The following UQCC1 variants were observed in gnomAD, a reference collection of about 807,000 sequenced individuals.
UQCC1 encodes the protein bFGF-repressed Zic-binding protein.
UQCC1 carries 38 observed loss-of-function variants against 48.0 expected under a neutral mutation model. The ratio of observed to expected loss-of-function variants is 0.79; its 90% CI spans 0.61 to 1.04. The LOEUF (loss-of-function observed/expected upper bound fraction) is 1.04. Among genes scored for constraint, UQCC1 ranks in the 50% least tolerant of loss-of-function variants. The pLI is 0.00. For missense variants in UQCC1, 368 were observed against 381.8 expected (o/e 0.96, Z 0.30); for synonymous variants, 111 against 129.2 (o/e 0.86, Z 0.95).
intron 2 of UQCC1, among the ~76,000 whole-genome samples, chr20:35,392,466 C>T (rs536383812): frequency 6.6e-5 from 10 of 152,216 alleles, no homozygotes; most frequent in Admixed American, 5.9e-4. Context: ...GCTCAAGAAA[C>T]GTTTACTGAC....
At chr20:35,407,243 C>G (rs897053348) in intron 1 of UQCC1, among the ~76,000 whole-genome samples, 1 of 152,074 alleles carries the variant, frequency 6.6e-6, no homozygotes, top group Non-Finnish European at 1.5e-5. Context: ...GCCTGGCCAA[C>G]ATGGGAAAAC....
At chr20:35,377,222 A>G (rs1324727563) in intron 4 of UQCC1, among the ~76,000 whole-genome samples, 1 of 152,216 alleles carries the variant, frequency 6.6e-6, no homozygotes. Flanking sequence ...AGGATAGTAT[A>G]TCATAATCAA....
At chr20:35,310,644 C>CAA (rs1199768843) in intron 8 of UQCC1, among the ~76,000 whole-genome samples, 12,920 of 44,082 alleles carry the variant, frequency 0.29, 1,948 homozygotes, top group Non-Finnish European at 0.31. Flanking sequence ...GACTCTGTCT[C>CAA]AAAAAAAAAA....
chr20:35,361,056 G>A (rs1324832361), intron 6 of UQCC1, among the ~76,000 whole-genome samples: 2 of 152,076 alleles, frequency 1.3e-5, no homozygotes, highest in African/African-American at 2.4e-5. Context: ...GACTAGATCT[G>A]TAGTTTTTAA....
At chr20:35,324,331 TTC>T (rs1405690193) in intron 7 of UQCC1, among the ~76,000 whole-genome samples, 1 of 152,094 alleles carries the variant, frequency 6.6e-6, no homozygotes, top group Non-Finnish European at 1.5e-5. Flanking sequence ...TAATTTTTTT[TTC>T]TTTTTCTTTT....
Position 35,366,550 on chromosome 20 carries a change from C to A in UQCC1, c.464+7G>T. ...ATTTGGTGACTTCATTTAAATTGCT[C>A]ACTTACCAGACGTGGAGTAGGGTTA... On this transcript the variant is annotated splice_region_variant and intron_variant, in intron 6 of 9. Coordinates refer to ENST00000374385, the MANE Select transcript of UQCC1 (RefSeq NM_018244.5). 1 of 1,613,412 alleles carries A rather than the reference C, an allele frequency of 6.2e-7. No homozygotes were observed. The highest frequency in any genetic ancestry group is 1.1e-5 in the South Asian group (1 of 91,006).
At chr20:35,399,547 G>A (rs1170004259) in intron 1 of UQCC1, among the ~76,000 whole-genome samples, 2 of 152,028 alleles carry the variant, frequency 1.3e-5, no homozygotes, top group African/African-American at 4.8e-5. Flanking sequence ...CAAACTATAA[G>A]CTCAATTGCT....
chr20:35,349,347 G>GT (rs541523929), intron 6 of UQCC1, among the ~76,000 whole-genome samples: 52 of 152,292 alleles, frequency 3.4e-4, no homozygotes, highest in Admixed American at 2.7e-3. Flanking sequence ...GAGTCTAAAA[G>GT]AACAACTGTA....
intron 5 of UQCC1, among the ~76,000 whole-genome samples, chr20:35,371,364 G>T (rs1404339350): frequency 6.7e-5 from 10 of 148,324 alleles, no homozygotes; most frequent in African/African-American, 2.5e-4. Context: ...TTGAGATGGA[G>T]TCTTGCTCTG....
At chr20:35,330,874 G>A (rs2061249010) in intron 7 of UQCC1, among the ~76,000 whole-genome samples, 1 of 151,390 alleles carries the variant, frequency 6.6e-6, no homozygotes, top group Non-Finnish European at 1.5e-5. Context: ...GTTAATTGTG[G>A]AACTAAGTCT....
chr20:35,372,804 G>C (rs1001220879), intron 5 of UQCC1, among the ~76,000 whole-genome samples: 3 of 152,196 alleles, frequency 2.0e-5, no homozygotes, highest in African/African-American at 7.2e-5. Context: ...GGGAGGTGGA[G>C]GTAGCAGTGA....
At chr20:35,386,712 T>C (rs2061948319) in intron 2 of UQCC1, among the ~76,000 whole-genome samples, 1 of 152,168 alleles carries the variant, frequency 6.6e-6, no homozygotes, top group South Asian at 2.1e-4. Flanking sequence ...TCCTTCTTTT[T>C]CCTCACAGCT....
chr20:35,391,791 C>G (rs919872401), intron 2 of UQCC1, among the ~76,000 whole-genome samples: 2 of 151,982 alleles, frequency 1.3e-5, no homozygotes, highest in Non-Finnish European at 2.9e-5. Context: ...ATGTTAATTT[C>G]CTGGTTTCAG....
intron 5 of UQCC1, 89 bp downstream of exon 5, chr20:35,374,095 G>T (rs767269781): frequency 3.8e-4 from 373 of 977,722 alleles, no homozygotes; most frequent in Non-Finnish European, 5.1e-4. Context: ...TTTCACTAGG[G>T]ACTAAAAAAA....
chr20:35,349,535 A>G (rs1315634997), intron 6 of UQCC1, among the ~76,000 whole-genome samples: 1 of 152,244 alleles, frequency 6.6e-6, no homozygotes. Flanking sequence ...GACTTTTGTT[A>G]TACTCAACAC....
intron 5 of UQCC1, among the ~76,000 whole-genome samples, chr20:35,372,003 G>C (rs569101325): frequency 6.6e-6 from 1 of 151,606 alleles, no homozygotes; most frequent in African/African-American, 2.4e-5. Flanking sequence ...GACAGAGCAA[G>C]ATCATCTCTT....
intron 8 of UQCC1, among the ~76,000 whole-genome samples, chr20:35,311,441 T>C (rs527426224): frequency 3.6e-4 from 55 of 152,362 alleles, no homozygotes; most frequent in African/African-American, 1.2e-3. Context: ...TAGTCACATA[T>C]AGTAACTGAG....
chr20:35,369,493 T>C (rs1452121382), intron 5 of UQCC1, among the ~76,000 whole-genome samples: 1 of 152,224 alleles, frequency 6.6e-6, no homozygotes, highest in African/African-American at 2.4e-5. Flanking sequence ...TGACATCAAG[T>C]TGGATACAAT....
intron 1 of UQCC1, among the ~76,000 whole-genome samples, chr20:35,399,892 G>A (rs1449966806): frequency 6.9e-6 from 1 of 144,592 alleles, no homozygotes; most frequent in Admixed American, 6.9e-5. Context: ...CTGTCTAGAT[G>A]TCAGCTTCTG....
Sources: gnomAD v4.1 joint callset for allele counts (sites outside exome capture counted in the v4.1 genomes callset) on GRCh38, gnomAD v4.1.1 for gene constraint, MANE v1.5 for transcripts, NCBI Gene and HGNC (gene_info 2026-07-23, HGNC 2026-07-21) for gene names.